The following SLC35F4 variants were observed in gnomAD, a reference collection of about 807,000 sequenced individuals.
SLC35F4 encodes solute carrier family 35 member F4.
SLC35F4 carries 24 observed loss-of-function variants against 44.2 expected under a neutral mutation model. The observed-to-expected ratio is 0.54, with a 90% CI of 0.39 to 0.76. The LOEUF (loss-of-function observed/expected upper bound fraction) is 0.76. Among genes scored for constraint, SLC35F4 ranks in the 30% least tolerant of loss-of-function variants. The probability of loss-of-function intolerance (pLI) is 0.00; values close to 1 mark genes in which losing one functional copy is unlikely to be tolerated. For missense variants in SLC35F4, 562 were observed against 586.1 expected, an observed-to-expected ratio of 0.96 and a Z score of 0.42; for synonymous variants, 238 against 223.6, an observed-to-expected ratio of 1.06 and a Z score of -0.57.
chr14:57,927,953 C>CT (rs1216029500), intron 1 of SLC35F4, among the ~76,000 whole-genome samples: 1 of 151,914 alleles, frequency 6.6e-6, no homozygotes, highest in East Asian at 1.9e-4. Context: ...TTTTCTCCTA[C>CT]TTTTTTTCTG....
chr14:57,951,548 C>T (rs1012571686), intron 1 of SLC35F4, among the ~76,000 whole-genome samples: 2 of 152,284 alleles, frequency 1.3e-5, no homozygotes, highest in East Asian at 1.9e-4. Flanking sequence ...GAAATTCTCG[C>T]TACCAGCACA....
At chr14:57,664,092 A>G (rs2140245205) in intron 1 of SLC35F4, among the ~76,000 whole-genome samples, 1 of 152,312 alleles carries the variant, frequency 6.6e-6, no homozygotes, top group South Asian at 2.1e-4. Flanking sequence ...TTAAACTAAT[A>G]GGACAATGAG....
downstream of SLC35F4, among the ~76,000 whole-genome samples, chr14:57,974,321 A>T (rs1010041820): frequency 1.3e-5 from 2 of 152,168 alleles, no homozygotes; most frequent in Admixed American, 6.5e-5. Context: ...AACCCAGATG[A>T]AAGCTGCAAG....
chr14:57,678,539 T>C (rs986567404), intron 1 of SLC35F4, among the ~76,000 whole-genome samples: 4 of 151,988 alleles, frequency 2.6e-5, no homozygotes, highest in South Asian at 2.1e-4. Flanking sequence ...TAAATGTAAA[T>C]GGGCTAAATG....
At chr14:57,889,831 A>G (rs144520367) in intron 1 of SLC35F4, among the ~76,000 whole-genome samples, 233 of 152,244 alleles carry the variant, frequency 1.5e-3, no homozygotes, top group African/African-American at 5.5e-3. Context: ...TGCTGGGTCT[A>G]TATTATGGGC....
At chr14:57,571,283 G>T (rs2068489562) in intron 5 of SLC35F4, among the ~76,000 whole-genome samples, 1 of 152,170 alleles carries the variant, frequency 6.6e-6, no homozygotes, top group Admixed American at 6.5e-5. Flanking sequence ...TTTCTTTGAT[G>T]ACAGGGAACT....
chr14:57,711,655 CTA>C (rs1474904376), intron 1 of SLC35F4, among the ~76,000 whole-genome samples: 1 of 152,168 alleles, frequency 6.6e-6, no homozygotes, highest in Non-Finnish European at 1.5e-5. Flanking sequence ...TCAGGAATCT[CTA>C]TAGTCACAGT....
chr14:57,575,716 G>A (rs757129512), intron 4 of SLC35F4, among the ~76,000 whole-genome samples: 36 of 152,126 alleles, frequency 2.4e-4, no homozygotes, highest in Non-Finnish European at 5.0e-4. Flanking sequence ...GCATGGCCTC[G>A]TGAGCCAGCT....
At chr14:57,729,576 C>A (rs1475101356) in intron 1 of SLC35F4, among the ~76,000 whole-genome samples, 1 of 152,024 alleles carries the variant, frequency 6.6e-6, no homozygotes, top group Admixed American at 6.5e-5. Flanking sequence ...CTGCTCAGTG[C>A]CTTATTCTGC....
intron 1 of SLC35F4, among the ~76,000 whole-genome samples, chr14:57,865,225 C>T (rs1389847791): frequency 1.3e-5 from 2 of 152,232 alleles, no homozygotes; most frequent in East Asian, 3.9e-4. Context: ...CCGGAGTGAA[C>T]GAGCTGACCC....
chr14:57,759,641 C>T (rs545697565), intron 1 of SLC35F4, among the ~76,000 whole-genome samples: 99 of 152,252 alleles, frequency 6.5e-4, no homozygotes, highest in Non-Finnish European at 1.1e-3. Flanking sequence ...AGACATTTTA[C>T]ATTCTCAGTA....
chr14:57,803,999 T>G (rs1880992408), intron 1 of SLC35F4, among the ~76,000 whole-genome samples: 1 of 152,092 alleles, frequency 6.6e-6, no homozygotes, highest in South Asian at 2.1e-4. Context: ...AGCCAAATCA[T>G]TAATGAACTC....
intron 1 of SLC35F4, among the ~76,000 whole-genome samples, chr14:57,860,977 G>A (rs1595240446): frequency 6.6e-6 from 1 of 152,044 alleles, no homozygotes; most frequent in African/African-American, 2.4e-5. Flanking sequence ...TGTAACTCTG[G>A]TTATATCCTT....
At chr14:57,870,124 CTGTG>C (rs34282878), upstream of SLC35F4, among the ~76,000 whole-genome samples, 2,718 of 146,158 alleles carry the variant, frequency 0.019, 89 homozygotes, top group African/African-American at 0.058. Context: ...TGTCTATGAT[CTGTG>C]TGTGTGTGTG....
chr14:57,588,125 C>T (rs1425265693), intron 3 of SLC35F4, among the ~76,000 whole-genome samples: 1 of 152,174 alleles, frequency 6.6e-6, no homozygotes, highest in Non-Finnish European at 1.5e-5. Context: ...TGAGATCGTG[C>T]CACTGCACTC....
At chr14:57,904,630 A>G (rs1191493756) in intron 1 of SLC35F4, among the ~76,000 whole-genome samples, 2 of 152,070 alleles carry the variant, frequency 1.3e-5, no homozygotes, top group African/African-American at 4.8e-5. Context: ...CACTATTAGG[A>G]TTTTCTGTGT....
chr14:57,812,178 T>C (rs982287962), intron 1 of SLC35F4, among the ~76,000 whole-genome samples: 4 of 152,074 alleles, frequency 2.6e-5, no homozygotes, highest in Non-Finnish European at 4.4e-5. Context: ...TAAATATAGC[T>C]TGTGTGGTGT....
chr14:57,871,310 T>C (rs1030752055), intron 1 of SLC35F4, among the ~76,000 whole-genome samples: 3 of 152,188 alleles, frequency 2.0e-5, no homozygotes, highest in Non-Finnish European at 4.4e-5. Flanking sequence ...CTCCCCTGAC[T>C]GCATAACTCT....
chr14:57,587,324 G>A (rs546517589), intron 3 of SLC35F4, among the ~76,000 whole-genome samples: 57 of 152,310 alleles, frequency 3.7e-4, no homozygotes, highest in Admixed American at 4.6e-4. Context: ...ACACGCACAC[G>A]TATGTTTATT....
Sources: gnomAD v4.1 joint callset for allele counts (sites outside exome capture counted in the v4.1 genomes callset) on GRCh38, gnomAD v4.1.1 for gene constraint, MANE v1.5 for transcripts, NCBI Gene and HGNC (gene_info 2026-07-23, HGNC 2026-07-21) for gene names.